The following NUDCD3 variants were observed in gnomAD, a reference collection of about 807,000 sequenced individuals.
NUDCD3 encodes the protein NudC domain containing 3, also known as nudC domain-containing protein 3.
Under a neutral mutation model 39.7 loss-of-function variants are expected in NUDCD3, and 13 were observed. That is an observed-to-expected ratio of 0.33 (90% CI 0.21 to 0.52). NUDCD3 has a LOEUF of 0.52. NUDCD3 is among the 20% of genes least tolerant of loss of function. NUDCD3 has a pLI of 0.96. For missense variants in NUDCD3, 453 were observed against 458.1 expected (o/e 0.99, Z 0.10); for synonymous variants, 175 against 172.4 (o/e 1.02, Z -0.12).
intron 2 of NUDCD3, among the ~76,000 whole-genome samples, chr7:44,429,577 C>T (rs1306941700): frequency 1.3e-5 from 2 of 152,174 alleles, no homozygotes; most frequent in African/African-American, 4.8e-5. Context: ...TTTAAGCCGG[C>T]CATTTTGTGG....
intron 2 of NUDCD3, among the ~76,000 whole-genome samples, chr7:44,449,278 G>A (rs913037033): frequency 6.6e-5 from 10 of 152,340 alleles, no homozygotes; most frequent in South Asian, 2.1e-4. Flanking sequence ...AAACACATGT[G>A]TTTCAACGAA....
chr7:44,443,257 A>G (rs1297650150), intron 2 of NUDCD3, among the ~76,000 whole-genome samples: 1 of 152,134 alleles, frequency 6.6e-6, no homozygotes, highest in East Asian at 1.9e-4. Context: ...AACAGGTAAC[A>G]GGTACAATGA....
chr7:44,444,386 TG>T (rs1275132261), intron 2 of NUDCD3, among the ~76,000 whole-genome samples: 1 of 151,958 alleles, frequency 6.6e-6, no homozygotes, highest in African/African-American at 2.4e-5. Flanking sequence ...GTCCCAGGCC[TG>T]GGGACAGGGG....
At chr7:44,445,946 C>T (rs191219214) in intron 2 of NUDCD3, among the ~76,000 whole-genome samples, 55 of 152,336 alleles carry the variant, frequency 3.6e-4, no homozygotes, top group Non-Finnish European at 6.5e-4. Flanking sequence ...AACCTTGTGT[C>T]TCTAAGCCTC....
chr7:44,418,429 C>A (rs931286934), intron 3 of NUDCD3, among the ~76,000 whole-genome samples: 2 of 152,246 alleles, frequency 1.3e-5, no homozygotes, highest in Non-Finnish European at 2.9e-5. Context: ...GAAGCAGACA[C>A]ACCTGACTCA....
chr7:44,450,739 A>G (rs1367352666), intron 2 of NUDCD3, among the ~76,000 whole-genome samples: 1 of 152,220 alleles, frequency 6.6e-6, no homozygotes, highest in Non-Finnish European at 1.5e-5. Flanking sequence ...CTGGAAAACA[A>G]TCTGGCACCT....
At chr7:44,399,607 T>A (rs1050726604) in intron 4 of NUDCD3, among the ~76,000 whole-genome samples, 7 of 152,190 alleles carry the variant, frequency 4.6e-5, no homozygotes, top group African/African-American at 1.7e-4. Context: ...ACACTGGAAG[T>A]ATCTGGGTAA....
chr7:44,461,835 T>C (rs1211437910), intron 2 of NUDCD3, among the ~76,000 whole-genome samples: 1 of 152,058 alleles, frequency 6.6e-6, no homozygotes, highest in Non-Finnish European at 1.5e-5. Context: ...CTGGCCTTCA[T>C]GGGTGCAGGG....
chr7:44,453,699 T>C (rs951417063), intron 2 of NUDCD3, among the ~76,000 whole-genome samples: 1 of 152,094 alleles, frequency 6.6e-6, no homozygotes, highest in Non-Finnish European at 1.5e-5. Context: ...ACAGGAAAGG[T>C]GAACGTCACA....
chr7:44,383,516 G>A lies in NUDCD3; in HGVS notation c.*2495C>T, dbSNP rs1350824059. 2 of 152,250 alleles carry A rather than the reference G, an allele frequency of 1.3e-5. No homozygotes were observed. The highest frequency in any genetic ancestry group is 6.5e-5 in the Admixed American group (1 of 15,288). 9.4% of individuals were successfully genotyped at this position (152,250 alleles called of 1,614,324 possible). ...TGTGTACGTTGGCCTGGGACCTCAA[G>A]GCTAGAATGCAACAATAATGACCAT... On this transcript the variant is annotated 3_prime_UTR_variant, in exon 6 of 6. Transcript: ENST00000355451.
At chr7:44,413,484 A>T (rs573041607) in intron 3 of NUDCD3, among the ~76,000 whole-genome samples, 2 of 152,354 alleles carry the variant, frequency 1.3e-5, no homozygotes, top group African/African-American at 2.4e-5. Flanking sequence ...ATCAGTAAGA[A>T]AAAGTACAGC....
intron 2 of NUDCD3, among the ~76,000 whole-genome samples, chr7:44,430,855 G>A (rs1799351063): frequency 6.6e-6 from 1 of 152,140 alleles, no homozygotes; most frequent in South Asian, 2.1e-4. Flanking sequence ...GGGGACATCT[G>A]ACACCCTTGC....
intron 4 of NUDCD3, among the ~76,000 whole-genome samples, chr7:44,399,947 G>C (rs185572282): frequency 1.3e-5 from 2 of 152,166 alleles, no homozygotes; most frequent in Non-Finnish European, 2.9e-5. Flanking sequence ...ACTTGTGTGC[G>C]CACCACGTCA....
intron 5 of NUDCD3, among the ~76,000 whole-genome samples, chr7:44,387,693 C>A (rs9648537): frequency 0.13 from 19,545 of 152,124 alleles, 1,665 homozygotes; most frequent in Non-Finnish European, 0.19. Flanking sequence ...CATGGGGGCC[C>A]GATGTAGGAT....
At chr7:44,431,051 TG>T (rs1799354460) in intron 2 of NUDCD3, among the ~76,000 whole-genome samples, 1 of 152,152 alleles carries the variant, frequency 6.6e-6, no homozygotes, top group Non-Finnish European at 1.5e-5. Flanking sequence ...AGTTGTTGGG[TG>T]CTTTTTATAG....
At chr7:44,418,211 G>A (rs1008327981) in intron 3 of NUDCD3, among the ~76,000 whole-genome samples, 1 of 152,168 alleles carries the variant, frequency 6.6e-6, no homozygotes, top group African/African-American at 2.4e-5. Flanking sequence ...CTACCCAGCC[G>A]AGGCAGGAAT....
chr7:44,403,039 C>A (rs1181953607), intron 4 of NUDCD3: 4 of 180,390 alleles, frequency 2.2e-5, no homozygotes, highest in Non-Finnish European at 4.7e-5. Context: ...TCATAATGCA[C>A]AGGCTTTATA....
rs114147323 is a variant in NUDCD3 at position 44,435,363 on chromosome 7, G to T, written c.510-7660C>A. On this transcript the variant is annotated intron_variant, in intron 2 of 5. Coordinates refer to ENST00000355451, the MANE Select transcript of NUDCD3 (RefSeq NM_015332.4). ...TGGGGAACTGTCAAAGACCAGGAGGGTCATGCTGAAAGGACACATGAGCCA... is the reference window on the plus strand; with the variant it reads ...TGGGGAACTGTCAAAGACCAGGAGGTTCATGCTGAAAGGACACATGAGCCA... 5.6e-3 allele frequency among the ~76,000 whole-genome samples: 856 copies of T among 152,262 alleles called. 5 individuals are homozygous for T. The highest frequency in any genetic ancestry group is 0.02 in the African/African-American group (815 of 41,538).
intron 1 of NUDCD3, among the ~76,000 whole-genome samples, chr7:44,488,055 G>A (rs1280905519): frequency 1.3e-5 from 2 of 151,552 alleles, no homozygotes; most frequent in African/African-American, 2.4e-5. Context: ...AAAGTTCCTT[G>A]GCCAGGCGCA....
Sources: allele counts gnomAD v4.1 joint callset (sites outside exome capture counted in the v4.1 genomes callset), GRCh38; gene constraint gnomAD v4.1.1; transcripts MANE v1.5; gene names NCBI Gene and HGNC (gene_info 2026-07-23, HGNC 2026-07-21).